The following GALNT6 variants were observed in gnomAD, a reference collection of about 807,000 sequenced individuals.
GALNT6 encodes the protein GalNAc transferase 6.
In GALNT6, 51 loss-of-function variants were observed where a neutral mutation model predicts 65.9. That is an observed-to-expected ratio of 0.77 (90% CI 0.62 to 0.98). The LOEUF (loss-of-function observed/expected upper bound fraction) is 0.98. Among genes scored for constraint, GALNT6 ranks in the 50% least tolerant of loss-of-function variants. The pLI, the probability that GALNT6 is intolerant of heterozygous loss-of-function variation, is 0.00. For synonymous variants in GALNT6, 323 were observed against 315.1 expected, an observed-to-expected ratio of 1.02 and a Z score of -0.26; for missense variants, 708 against 803.3, an observed-to-expected ratio of 0.88 and a Z score of 1.43.
At position 51,379,538 on chromosome 12, in the gene GALNT6, G is replaced by C; in HGVS notation, c.244C>G (p.Leu82Val). The C allele has an allele frequency of 1.2e-6, 2 of 1,614,208 alleles. No individual in the cohort carries two copies. The highest frequency in any genetic ancestry group is 1.7e-6 in the Non-Finnish European group (2 of 1,180,024). Reference protein sequence around the residue: ...QIRAPEAQQTLFSINQSCLPG... With the variant: ...QIRAPEAQQTVFSINQSCLPG... ...AGGCAGGACTGGTTTATGGAGAACA[G>C]AGTCTGCTGGGCTTCTGGAGCCCTG... The change falls in exon 3 of 12, where the codon CTG (leucine) becomes GTG (valine). Residue 82 changes from leucine to valine, a missense_variant. Leu to Val is a conservative substitution (Grantham distance 32, BLOSUM62 1). Transcript: ENST00000356317.
Position 51,379,323 on chromosome 12 carries a change from C to T in GALNT6, c.459G>A (p.Gln153=). Residue 153 remains glutamine, a synonymous_variant, in exon 3 of 12, where the codon CAG becomes CAA. Transcript: ENST00000356317. ...GTCGGGTGTCTGGCCCCAGGGACCTCTGCAGGGAGATCCGGTCGCTGGCAA... is the reference window on the plus strand; with the variant it reads ...GTCGGGTGTCTGGCCCCAGGGACCTTTGCAGGGAGATCCGGTCGCTGGCAA... ...NAFASDRISL[Q]RSLGPDTRPP... 1.3e-6 allele frequency: 2 copies of T among 1,531,112 alleles called. No individual in the cohort carries two copies. The highest frequency in any genetic ancestry group is 1.8e-6 in the Non-Finnish European group (2 of 1,142,280). 94.8% of individuals were successfully genotyped at this position (1,531,112 alleles called of 1,614,324 possible). A position where few individuals can be genotyped will look rare whatever the true frequency, so the allele number is the denominator to read the frequency against.
At chr12:51,364,040 T>C (rs1947009643) in intron 6 of GALNT6, 81 bp downstream of exon 6, 1 of 915,212 alleles carries the variant, frequency 1.1e-6, no homozygotes, top group African/African-American at 1.6e-5. Flanking sequence ...ACCTAACAAA[T>C]GTTGATGTGA....
intron 8 of GALNT6, 52 bp from the exon 9 acceptor site, chr12:51,358,313 T>C: frequency 1.9e-6 from 3 of 1,584,694 alleles, no homozygotes; most frequent in Non-Finnish European, 2.6e-6. Flanking sequence ...TTTTTTTTTT[T>C]TTTTTAAGAG....
chr12:51,364,086 G>T lies in GALNT6; in HGVS notation c.1049+35C>A, dbSNP rs759188377. On this transcript the variant is annotated intron_variant, in intron 6 of 11. Coordinates refer to ENST00000356317, the MANE Select transcript of GALNT6 (RefSeq NM_007210.4). Reference sequence around the variant, plus strand: ...GTTCCTGGAACTGGGTAGGACTGGGGCCAGGTTGGGGGCTCACCAGGCTGC... The same window carrying T: ...GTTCCTGGAACTGGGTAGGACTGGGTCCAGGTTGGGGGCTCACCAGGCTGC... The T allele has an allele frequency of 1.1e-5, 16 of 1,455,774 alleles. No homozygotes were observed. In the African/African-American group the frequency reaches 1.8e-4, roughly 16 times the overall value. 90.2% of individuals were successfully genotyped at this position (1,455,774 alleles called of 1,614,324 possible).
In GALNT6 at chr12:51,379,376, C is replaced by T; in HGVS notation, c.406G>A (p.Gly136Ser). Residue 136 changes from glycine (G) to serine (S), a missense_variant, in exon 3 of 12, where the codon GGC becomes AGC. Transcript: ENST00000356317. ...TPLETQEKEEGYKKHCFNAFA... is the reference protein window; with the variant it reads ...TPLETQEKEESYKKHCFNAFA... ...GCATTGAAACAGTGCTTCTTATAGC[C>T]TTCTTCCTTTTCCTGGGTCTCCAGG... The T allele has an allele frequency of 6.3e-7, 1 of 1,583,626 alleles. No homozygotes were observed. The highest frequency in any genetic ancestry group is 8.6e-7 in the Non-Finnish European group (1 of 1,167,400).
chr12:51,373,001 A>G (rs1947336877), intron 4 of GALNT6, among the ~76,000 whole-genome samples: 1 of 152,116 alleles, frequency 6.6e-6, no homozygotes, highest in African/African-American at 2.4e-5. Context: ...TCCCATTTCA[A>G]ATGGTTGTAT....
chr12:51,370,891 T>C (rs1465926644), intron 4 of GALNT6, among the ~76,000 whole-genome samples: 2 of 151,820 alleles, frequency 1.3e-5, no homozygotes, highest in East Asian at 3.9e-4. Context: ...CGGAGATGGT[T>C]GCACAATAAT....
chr12:51,369,213 C>T lies in GALNT6; in HGVS notation c.665-3634G>A, dbSNP rs955496567. Among the ~76,000 whole-genome samples the T allele has an allele frequency of 5.9e-5, 9 of 152,184 alleles. No homozygotes were observed. In the East Asian group the frequency reaches 7.7e-4, roughly 13 times the overall value. ...GAGCTGTGAACCTCAGGGGGGGCCCCGAGCACTACAAAGCCCTTCTCCCAC... is the reference window on the plus strand; with the variant it reads ...GAGCTGTGAACCTCAGGGGGGGCCCTGAGCACTACAAAGCCCTTCTCCCAC... On this transcript the variant is annotated intron_variant, in intron 4 of 11. Transcript: ENST00000356317.
chr12:51,380,744 T>A (rs930818306), intron 2 of GALNT6, among the ~76,000 whole-genome samples: 5 of 151,884 alleles, frequency 3.3e-5, no homozygotes, highest in Non-Finnish European at 7.4e-5. Flanking sequence ...TAGGCTAGGA[T>A]CATGCCACTG....
Position 51,364,368 on chromosome 12 carries a change from A to C in GALNT6, c.815-13T>G. 6.3e-7 allele frequency: 1 copy of C among 1,586,666 alleles called. No homozygotes were observed. Among genetic ancestry groups the C allele is most frequent in the South Asian group, 1.1e-5 (1 of 90,520 alleles). On this transcript the variant is annotated splice_polypyrimidine_tract_variant and intron_variant, in intron 5 of 11. Coordinates refer to ENST00000356317, the MANE Select transcript of GALNT6 (RefSeq NM_007210.4). ...TGGAAGCACTCACCTGCAGGCCCCA[A>C]CCAGGAGGCAGCAGTCAGGGCCCTG...
chr12:51,376,679 G>T (rs1022704187), intron 4 of GALNT6, among the ~76,000 whole-genome samples: 4 of 148,852 alleles, frequency 2.7e-5, no homozygotes, highest in Non-Finnish European at 5.9e-5. Context: ...GGGGTTTTTA[G>T]TATTTTCAGG....
chr12:51,368,017 A>T (rs1947165928), intron 4 of GALNT6, among the ~76,000 whole-genome samples: 1 of 146,170 alleles, frequency 6.8e-6, no homozygotes, highest in African/African-American at 2.5e-5. Flanking sequence ...AGGCCATGGA[A>T]TTTTTTTTTT....
At chr12:51,382,064 T>C (rs1417289726) in intron 2 of GALNT6, among the ~76,000 whole-genome samples, 1 of 152,260 alleles carries the variant, frequency 6.6e-6, no homozygotes, top group Non-Finnish European at 1.5e-5. Context: ...GGGGTACAAA[T>C]GTGGCTTCTT....
At chr12:51,366,992 G>A (rs1443387001) in intron 4 of GALNT6, among the ~76,000 whole-genome samples, 3 of 152,086 alleles carry the variant, frequency 2.0e-5, no homozygotes, top group Admixed American at 6.6e-5. Context: ...GGCCAGACGC[G>A]CTGGCTCATG....
At chr12:51,362,765 T>C (rs540575605) in intron 6 of GALNT6, among the ~76,000 whole-genome samples, 78 of 152,322 alleles carry the variant, frequency 5.1e-4, no homozygotes, top group African/African-American at 1.8e-3. Context: ...CTCCTTCTAA[T>C]GGAGACAGAG....
At position 51,377,344 on chromosome 12, in the gene GALNT6, CGCCGGA is replaced by C; in HGVS notation, c.509_514del (p.Phe170_Arg172delinsCys). 4 of 1,612,584 alleles carry C rather than the reference CGCCGGA, an allele frequency of 2.5e-6. No individual in the cohort carries two copies. The highest frequency in any genetic ancestry group is 3.4e-6 in the Non-Finnish European group (4 of 1,179,986). ...GCTGGTGGTGGCCAGTGGGGGGCAG[CGCCGGA>C]ACTTCTGGTCCACACACCTGGAAGT... On this transcript the variant is annotated inframe_deletion, in exon 4 of 12. Transcript: ENST00000356317.
chr12:51,381,350 G>A (rs754466731), intron 2 of GALNT6, among the ~76,000 whole-genome samples: 6 of 152,184 alleles, frequency 3.9e-5, no homozygotes, highest in Admixed American at 2.0e-4. Context: ...GGGCATGGGC[G>A]TTCACCAGGC....
chr12:51,371,425 A>G (rs1258549352), intron 4 of GALNT6, among the ~76,000 whole-genome samples: 1 of 151,976 alleles, frequency 6.6e-6, no homozygotes, highest in Non-Finnish European at 1.5e-5. Flanking sequence ...TCCCTGGCTT[A>G]CTTTGTTTAA....
At chr12:51,360,929 C>T in intron 6 of GALNT6, 91 bp from the exon 7 acceptor site, 1 of 720,288 alleles carries the variant, frequency 1.4e-6, no homozygotes, top group Non-Finnish European at 2.5e-6. Context: ...CCCCTCCTAA[C>T]CCACCTCCCC....
Sources: gnomAD v4.1 joint callset for allele counts (sites outside exome capture counted in the v4.1 genomes callset) on GRCh38, gnomAD v4.1.1 for gene constraint, MANE v1.5 for transcripts, NCBI Gene and HGNC (gene_info 2026-07-23, HGNC 2026-07-21) for gene names.